FAM107B: variants seen among roughly 807,000 people sequenced by gnomAD.
The protein encoded by FAM107B is family with sequence similarity 107 member B, also known as protein FAM107B.
Under a neutral mutation model 31.5 loss-of-function variants are expected in FAM107B, and 21 were observed. That is an observed-to-expected ratio of 0.67 (90% confidence interval 0.47 to 0.96). The LOEUF is 0.96. Ranked by LOEUF, FAM107B falls within the 40% of genes least tolerant of loss-of-function variation. The probability of loss-of-function intolerance (pLI) is 0.00; values close to 1 mark genes in which losing one functional copy is unlikely to be tolerated. For missense variants in FAM107B, 452 were observed against 377.1 expected (o/e 1.20, Z -1.64); for synonymous variants, 157 against 141.5 (o/e 1.11, Z -0.78).
intron 1 of FAM107B, among the ~76,000 whole-genome samples, chr10:14,684,764 C>T (rs962132381): frequency 6.6e-6 from 1 of 152,106 alleles, no homozygotes; most frequent in Non-Finnish European, 1.5e-5. Flanking sequence ...TAGTACCTCT[C>T]CATTTATAAG....
intron 1 of FAM107B, among the ~76,000 whole-genome samples, chr10:14,747,821 C>T (rs935529599): frequency 6.6e-6 from 1 of 152,212 alleles, no homozygotes; most frequent in Non-Finnish European, 1.5e-5. Flanking sequence ...CTGGCTGCCC[C>T]TTGGTGGAGG....
At chr10:14,636,646 AGTTACATG>A (rs1382379882) in intron 2 of FAM107B, among the ~76,000 whole-genome samples, 3 of 151,148 alleles carry the variant, frequency 2.0e-5, no homozygotes, top group Admixed American at 6.6e-5. Context: ...CTCCAAACAC[AGTTACATG>A]GCGAAGGAAG....
chr10:14,594,542 G>C (rs1336740573), intron 2 of FAM107B, among the ~76,000 whole-genome samples: 1 of 150,808 alleles, frequency 6.6e-6, no homozygotes, highest in African/African-American at 2.4e-5. Context: ...ACTGGCAAAT[G>C]CATTCTCCAA....
intron 3 of FAM107B, among the ~76,000 whole-genome samples, chr10:14,523,393 G>A (rs952474194): frequency 7.2e-5 from 11 of 152,322 alleles, no homozygotes; most frequent in Non-Finnish European, 1.0e-4. Flanking sequence ...AGGTAACAGC[G>A]CACACACACT....
intron 2 of FAM107B, among the ~76,000 whole-genome samples, chr10:14,632,981 T>C (rs1431332138): frequency 6.6e-6 from 1 of 151,982 alleles, no homozygotes; most frequent in Non-Finnish European, 1.5e-5. Context: ...GGCAGATCAC[T>C]CGAGGTCAGG....
At chr10:14,620,880 C>A (rs1378626508) in intron 2 of FAM107B, among the ~76,000 whole-genome samples, 1 of 152,204 alleles carries the variant, frequency 6.6e-6, no homozygotes, top group Non-Finnish European at 1.5e-5. Context: ...ATGTTTTGTA[C>A]TTTCCAGCAT....
At chr10:14,770,062 G>A (rs1017763089) in intron 1 of FAM107B, among the ~76,000 whole-genome samples, 7 of 152,166 alleles carry the variant, frequency 4.6e-5, no homozygotes, top group East Asian at 1.9e-4. Flanking sequence ...TATTCCATCC[G>A]GTGCTGAGCC....
rs565478220 is a variant in FAM107B at position 14,569,276 on chromosome 10, G to C, written c.470-38761C>G. On this transcript the variant is annotated intron_variant, in intron 2 of 4. Transcript: ENST00000181796. Reference sequence around the variant, plus strand: ...ACTGCCAACAACTGATATAGAAATAGAGAGTGTAGAAAATATTTCTTGACA... The same window carrying C: ...ACTGCCAACAACTGATATAGAAATACAGAGTGTAGAAAATATTTCTTGACA... 1.6e-3 allele frequency among the ~76,000 whole-genome samples: 246 copies of C among 152,298 alleles called. 1 individual carries two copies. The highest frequency in any genetic ancestry group is 5.1e-3 in the African/African-American group (210 of 41,558).
chr10:14,691,893 C>CAAAAAAAAA (rs58734762), intron 1 of FAM107B, among the ~76,000 whole-genome samples: 1 of 129,204 alleles, frequency 7.7e-6, no homozygotes, highest in African/African-American at 3.0e-5. Context: ...GACTCTGTCA[C>CAAAAAAAAA]AAAAAAAAAA....
chr10:14,627,791 T>A (rs1428991636), intron 2 of FAM107B, among the ~76,000 whole-genome samples: 1 of 151,066 alleles, frequency 6.6e-6, no homozygotes, highest in Non-Finnish European at 1.5e-5. Context: ...GAAAAAAAAA[T>A]CAGAGTAGAA....
intron 1 of FAM107B, among the ~76,000 whole-genome samples, chr10:14,748,557 TA>T (rs1832770151): frequency 6.6e-6 from 1 of 152,214 alleles, no homozygotes; most frequent in Non-Finnish European, 1.5e-5. Context: ...GCTAGCAGCT[TA>T]AAGTAGAAGA....
At chr10:14,537,862 A>G (rs1221040473) in intron 2 of FAM107B, among the ~76,000 whole-genome samples, 1 of 150,990 alleles carries the variant, frequency 6.6e-6, no homozygotes, top group Non-Finnish European at 1.5e-5. Flanking sequence ...AATGAAATGC[A>G]CCAAACGCAA....
At chr10:14,554,597 A>G (rs1051410765) in intron 2 of FAM107B, among the ~76,000 whole-genome samples, 1 of 152,206 alleles carries the variant, frequency 6.6e-6, no homozygotes, top group Admixed American at 6.5e-5. Context: ...GGTCTCAAAC[A>G]TGCCAGGAGT....
rs1214223733 is a variant in FAM107B, at chr10:14,521,386, C to G, written c.805-80G>C. On this transcript the variant is annotated intron_variant, in intron 4 of 4. Coordinates refer to ENST00000181796, the MANE Select transcript of FAM107B (RefSeq NM_031453.4). ...ATACTCTTCTCTCTTTTCAAAGTCCCTGACAACTTTACTTCCCCACAGAAT... is the reference window on the plus strand; with the variant it reads ...ATACTCTTCTCTCTTTTCAAAGTCCGTGACAACTTTACTTCCCCACAGAAT... 5.1e-6 allele frequency: 6 copies of G among 1,177,960 alleles called. No individual in the cohort carries two copies. In the East Asian group the frequency reaches 9.4e-5, roughly 18 times the overall value. 73.0% of individuals were successfully genotyped at this position (1,177,960 alleles called of 1,614,324 possible).
rs140454792 is a variant in FAM107B at position 14,722,738 on chromosome 10, CA to C, written c.411+51514del. The stretch of plus-strand genomic sequence containing the variant: ...AGTCTCTTATCAGATATATAATTTG[CA>C]AATATTTTCTCTTATCCCATAGGTT... On this transcript the variant is annotated intron_variant, in intron 1 of 4. Transcript: ENST00000181796. Among the ~76,000 whole-genome samples, 523 of 152,126 alleles carry C rather than the reference CA, an allele frequency of 3.4e-3. 12 individuals carry two copies. In the East Asian group the frequency reaches 0.045, roughly 13 times the overall value.
chr10:14,581,747 G>C (rs1225934119), intron 2 of FAM107B, among the ~76,000 whole-genome samples: 1 of 152,108 alleles, frequency 6.6e-6, no homozygotes, highest in Non-Finnish European at 1.5e-5. Flanking sequence ...CAAAAACATA[G>C]TAAAACTCAA....
At chr10:14,631,593 C>A (rs533191405) in intron 2 of FAM107B, among the ~76,000 whole-genome samples, 19 of 152,300 alleles carry the variant, frequency 1.2e-4, no homozygotes, top group African/African-American at 4.3e-4. Flanking sequence ...ATGCCCCGCC[C>A]CAAACCTAGC....
chr10:14,663,880 C>A (rs1214674186), intron 2 of FAM107B, among the ~76,000 whole-genome samples: 1 of 68,954 alleles, frequency 1.5e-5, no homozygotes, highest in African/African-American at 5.9e-5. Flanking sequence ...AGAATTAGAT[C>A]ATCAGCCAAA....
At chr10:14,595,306 G>A (rs910813878) in intron 2 of FAM107B, among the ~76,000 whole-genome samples, 2 of 151,896 alleles carry the variant, frequency 1.3e-5, no homozygotes, top group African/African-American at 4.8e-5. Flanking sequence ...TATCAATCTC[G>A]CAATGAGAGT....
Sources: gnomAD v4.1 joint callset for allele counts (sites outside exome capture counted in the v4.1 genomes callset) on GRCh38, gnomAD v4.1.1 for gene constraint, MANE v1.5 for transcripts, NCBI Gene and HGNC (gene_info 2026-07-23, HGNC 2026-07-21) for gene names.